Variants in KCNB2 observed in about 807,000 individuals in gnomAD.
KCNB2 encodes the protein potassium voltage-gated channel subfamily B member 2.
KCNB2 carries 15 observed loss-of-function variants against 61.5 expected under a neutral mutation model. The ratio of observed to expected loss-of-function variants is 0.24; its 90% CI spans 0.16 to 0.38. The LOEUF is 0.38. KCNB2 is among the 10% of genes least tolerant of loss of function. KCNB2 has a pLI of 1.00. For synonymous variants in KCNB2, 457 were observed against 446.0 expected, an observed-to-expected ratio of 1.02 and a Z score of -0.31; for missense variants, 828 against 1,125.2, an observed-to-expected ratio of 0.74 and a Z score of 3.78.
intron 2 of KCNB2, among the ~76,000 whole-genome samples, chr8:72,893,936 T>G (rs1445428045): frequency 6.6e-6 from 1 of 152,138 alleles, no homozygotes; most frequent in Non-Finnish European, 1.5e-5. Context: ...TTTCATGCCA[T>G]CCCTAATTAT....
intron 2 of KCNB2, among the ~76,000 whole-genome samples, chr8:72,660,355 TGA>T (rs1020920775): frequency 6.6e-5 from 10 of 152,208 alleles, no homozygotes; most frequent in African/African-American, 2.2e-4. Context: ...GAATCCTGCC[TGA>T]GAGTCCTTAC....
intron 1 of KCNB2, among the ~76,000 whole-genome samples, chr8:72,562,730 A>T (rs530954134): frequency 6.6e-6 from 1 of 152,216 alleles, no homozygotes; most frequent in Non-Finnish European, 1.5e-5. Flanking sequence ...ATTGCATTTT[A>T]TATTATACTT....
intron 2 of KCNB2, among the ~76,000 whole-genome samples, chr8:72,899,824 C>A (rs1806056625): frequency 6.6e-6 from 1 of 152,138 alleles, no homozygotes; most frequent in Non-Finnish European, 1.5e-5. Flanking sequence ...TCTCACACTA[C>A]CAACATCATT....
chr8:72,933,576 C>A (rs1026676041), intron 2 of KCNB2, among the ~76,000 whole-genome samples: 1 of 152,176 alleles, frequency 6.6e-6, no homozygotes, highest in Non-Finnish European at 1.5e-5. Flanking sequence ...AACAGCGTGA[C>A]CTCCCGAAAA....
intron 2 of KCNB2, among the ~76,000 whole-genome samples, chr8:72,839,404 G>C (rs1809838524): frequency 6.6e-6 from 1 of 152,028 alleles, no homozygotes; most frequent in South Asian, 2.1e-4. Flanking sequence ...AATGTGTTAG[G>C]CATAGCAATA....
chr8:72,777,393 A>G (rs1808673705), intron 2 of KCNB2, among the ~76,000 whole-genome samples: 1 of 152,122 alleles, frequency 6.6e-6, no homozygotes, highest in South Asian at 2.1e-4. Flanking sequence ...TCCAATTTAG[A>G]AATGATAGAG....
chr8:72,622,670 G>GGTTTC (rs1563541339), intron 2 of KCNB2, among the ~76,000 whole-genome samples: 1 of 152,042 alleles, frequency 6.6e-6, no homozygotes, highest in Non-Finnish European at 1.5e-5. Context: ...GTTAGTCTAG[G>GGTTTC]GTTTATGCCA....
intron 2 of KCNB2, among the ~76,000 whole-genome samples, chr8:72,914,156 A>T (rs910013456): frequency 6.6e-6 from 1 of 151,884 alleles, no homozygotes; most frequent in Non-Finnish European, 1.5e-5. Context: ...CTCACATGTG[A>T]TCTCTCCTGG....
At chr8:72,635,516 C>T (rs750146250) in intron 2 of KCNB2, among the ~76,000 whole-genome samples, 2 of 152,068 alleles carry the variant, frequency 1.3e-5, no homozygotes, top group Admixed American at 6.5e-5. Context: ...AGCCCAGTGT[C>T]GAATGAAGAG....
chr8:72,595,388 T>C (rs1341515950), intron 2 of KCNB2, among the ~76,000 whole-genome samples: 1 of 151,296 alleles, frequency 6.6e-6, no homozygotes, highest in Non-Finnish European at 1.5e-5. Context: ...TGCAGTGGCG[T>C]GATCTTGGCT....
chr8:72,873,120 A>T (rs941981522), intron 2 of KCNB2, among the ~76,000 whole-genome samples: 2 of 152,194 alleles, frequency 1.3e-5, no homozygotes, highest in Non-Finnish European at 2.9e-5. Context: ...TTGTCCCATC[A>T]TGGCACAACT....
intron 2 of KCNB2, among the ~76,000 whole-genome samples, chr8:72,586,371 A>G (rs950246489): frequency 3.3e-5 from 5 of 152,214 alleles, no homozygotes; most frequent in African/African-American, 1.2e-4. Context: ...AAGCCCTAAG[A>G]TGATTGGATT....
At chr8:72,685,598 A>G (rs1013462967) in intron 2 of KCNB2, among the ~76,000 whole-genome samples, 33 of 152,252 alleles carry the variant, frequency 2.2e-4, no homozygotes, top group African/African-American at 7.7e-4. Context: ...GGGGTCAAAG[A>G]AGGTAACATA....
At chr8:72,691,108 A>G (rs1423141192) in intron 2 of KCNB2, among the ~76,000 whole-genome samples, 2 of 152,166 alleles carry the variant, frequency 1.3e-5, no homozygotes, top group Non-Finnish European at 2.9e-5. Context: ...TCCCTTTTGA[A>G]TTAAGTGTTT....
At chr8:72,790,948 G>A (rs1288168574) in intron 2 of KCNB2, among the ~76,000 whole-genome samples, 3 of 152,040 alleles carry the variant, frequency 2.0e-5, no homozygotes, top group African/African-American at 7.2e-5. Flanking sequence ...TATTTAATTT[G>A]TGTTTACTGT....
chr8:72,569,094 A>G (rs1183133934), intron 2 of KCNB2, among the ~76,000 whole-genome samples: 1 of 152,068 alleles, frequency 6.6e-6, no homozygotes, highest in African/African-American at 2.4e-5. Context: ...CTGTTTGTCT[A>G]ATTTTATCTA....
chr8:72,615,188 A>C (rs1805598549), intron 2 of KCNB2, among the ~76,000 whole-genome samples: 1 of 152,376 alleles, frequency 6.6e-6, no homozygotes, highest in African/African-American at 2.4e-5. Context: ...TAGTGGATAC[A>C]TCATTTGTTT....
rs568726694 is a variant in KCNB2, at chr8:72,540,008, C to T, written c.-94+2123C>T. ...CTCAACTTAAGAGTGTGTCTGTCCA[C>T]GTGTTTTATATACCTGCCTGCATGT... On this transcript the variant is annotated intron_variant, in intron 1 of 2. Coordinates refer to ENST00000523207, the MANE Select transcript of KCNB2 (RefSeq NM_004770.3). 8.5e-5 allele frequency among the ~76,000 whole-genome samples: 13 copies of T among 152,252 alleles called. No homozygotes were observed. The East Asian group carries it at 9.6e-4, about 11-fold the overall frequency.
chr8:72,540,929 G>A (rs1806180207), intron 1 of KCNB2, among the ~76,000 whole-genome samples: 1 of 151,840 alleles, frequency 6.6e-6, no homozygotes, highest in Admixed American at 6.6e-5. Flanking sequence ...AAGGAGAAGA[G>A]TGCTTGAATA....
Sources: allele counts gnomAD v4.1 joint callset (sites outside exome capture counted in the v4.1 genomes callset), GRCh38; gene constraint gnomAD v4.1.1; transcripts MANE v1.5; gene names NCBI Gene and HGNC (gene_info 2026-07-23, HGNC 2026-07-21).